Variants in RNF128 observed in about 807,000 individuals in gnomAD.
The protein encoded by RNF128 is E3 ubiquitin-protein ligase RNF128.
In RNF128, 13 loss-of-function variants were observed where a neutral mutation model predicts 26.2. The observed-to-expected ratio is 0.50, with a 90% CI of 0.32 to 0.79. The LOEUF (loss-of-function observed/expected upper bound fraction) is 0.79, where lower values mean the gene tolerates loss of function less well. RNF128 is among the 30% of genes least tolerant of loss of function. The pLI, the probability that RNF128 is intolerant of heterozygous loss-of-function variation, is 0.03. For synonymous variants in RNF128, 149 were observed against 142.5 expected (o/e 1.05, Z -0.32); for missense variants, 315 against 349.7 (o/e 0.90, Z 0.79).
intron 3 of RNF128, among the ~76,000 whole-genome samples, chrX:106,785,458 G>A (rs1930639797): frequency 9.0e-6 from 1 of 111,532 alleles, no homozygotes; most frequent in East Asian, 2.8e-4. Context: ...ATAAGAGGGA[G>A]AGAGAGGGAG....
intron 1 of RNF128, among the ~76,000 whole-genome samples, chrX:106,756,066 A>G (rs1930003565): frequency 9.1e-6 from 1 of 110,419 alleles, no homozygotes; most frequent in African/African-American, 3.3e-5. Flanking sequence ...ACTACAAACC[A>G]CTGCTCAAAG....
At chrX:106,694,225 T>C (rs1400452985) in exon 1 of RNF128, 2 of 1,208,522 alleles carry the variant, frequency 1.7e-6, no homozygotes, top group African/African-American at 3.5e-5. Flanking sequence ...GAACAATAAC[T>C]ACCAAGCTTG....
intron 1 of RNF128, among the ~76,000 whole-genome samples, chrX:106,748,711 A>C (rs1602377409): frequency 9.0e-6 from 1 of 111,654 alleles, no homozygotes; most frequent in African/African-American, 3.2e-5. Flanking sequence ...GTGGGAGCTA[A>C]AAAAGTGAAT....
intron 1 of RNF128, among the ~76,000 whole-genome samples, chrX:106,732,263 A>G: frequency 8.9e-6 from 1 of 111,879 alleles, no homozygotes; most frequent in East Asian, 2.8e-4. Flanking sequence ...CCCAAAACAA[A>G]GTATAGTAAT....
At chrX:106,729,731 A>G (rs1336907322) in intron 1 of RNF128, among the ~76,000 whole-genome samples, 1 of 112,181 alleles carries the variant, frequency 8.9e-6, no homozygotes, top group Non-Finnish European at 1.9e-5. Flanking sequence ...GAGGTAAGGA[A>G]TCACATTTCT....
intron 2 of RNF128, among the ~76,000 whole-genome samples, chrX:106,774,634 G>T (rs2147696072): frequency 8.9e-6 from 1 of 111,901 alleles, no homozygotes; most frequent in East Asian, 2.8e-4. Context: ...TATATATCCA[G>T]AATTTGATTA....
In RNF128 at chrX:106,731,668, T is replaced by C. The variant is rs769726998; in HGVS notation, c.484+4271T>C. 6.3e-5 allele frequency among the ~76,000 whole-genome samples: 7 copies of C among 111,359 alleles called. No homozygotes were observed. The East Asian group carries it at 2.0e-3, about 32-fold the overall frequency. On this transcript the variant is annotated intron_variant, in intron 1 of 6. Coordinates refer to ENST00000255499, the MANE Select transcript of RNF128 (RefSeq NM_194463.2). ...AGTGTCTTCCTTCCTTGCCTCTCTTTTGTTTCATTACTATTTTATTAATTC... is the reference window on the plus strand; with the variant it reads ...AGTGTCTTCCTTCCTTGCCTCTCTTCTGTTTCATTACTATTTTATTAATTC...
chrX:106,775,062 T>C (rs1280205935), intron 2 of RNF128, among the ~76,000 whole-genome samples: 1 of 112,206 alleles, frequency 8.9e-6, no homozygotes, highest in Non-Finnish European at 1.9e-5. Flanking sequence ...CTTCTATCCT[T>C]CTCCTTAGAG....
intron 6 of RNF128, among the ~76,000 whole-genome samples, chrX:106,792,790 A>C (rs1301359793): frequency 9.0e-6 from 1 of 111,488 alleles, no homozygotes; most frequent in African/African-American, 3.3e-5. Flanking sequence ...GTTGTATTAA[A>C]ACTTTTAAAG....
At chrX:106,758,675 T>C (rs139133728) in intron 1 of RNF128, among the ~76,000 whole-genome samples, 33 of 111,528 alleles carry the variant, frequency 3.0e-4, no homozygotes, top group Middle Eastern at 4.6e-3. Flanking sequence ...AGAACATACA[T>C]TGGGGAAAAG....
intron 1 of RNF128, among the ~76,000 whole-genome samples, chrX:106,747,017 T>G (rs1345821688): frequency 8.9e-6 from 1 of 111,794 alleles, no homozygotes; most frequent in Non-Finnish European, 1.9e-5. Context: ...TTAACTACTC[T>G]TGATGACTAA....
At chrX:106,737,082 A>T (rs34619446) in intron 1 of RNF128, among the ~76,000 whole-genome samples, 2,783 of 111,423 alleles carry the variant, frequency 0.025, 35 homozygotes, top group Non-Finnish European at 0.039. Context: ...ACTTCACCTT[A>T]AAGACTACAT....
Position 106,785,126 on chromosome X carries a change from A to G in RNF128, c.794A>G (p.Gln265Arg). 2 of 1,178,605 alleles carry G rather than the reference A, an allele frequency of 1.7e-6. No homozygotes were observed. Among genetic ancestry groups the G allele is most frequent in the Non-Finnish European group, 2.3e-6 (2 of 878,524 alleles). ...IGRLQLRTLK[Q>R]GDKEIGPDGD... Reference sequence around the variant, plus strand: ...AGGCTTCAACTACGCACACTGAAACAAGGAGACAAGGTACATTCATGACTT... The same window carrying G: ...AGGCTTCAACTACGCACACTGAAACGAGGAGACAAGGTACATTCATGACTT... The change falls in exon 3 of 7, where the codon CAA becomes CGA. Residue 265 changes from glutamine (Q) to arginine (R), a missense_variant. Gln to Arg is a conservative substitution (Grantham distance 43, BLOSUM62 1). Transcript: ENST00000255499.
At chrX:106,785,614 G>A (rs1392636526) in intron 3 of RNF128, among the ~76,000 whole-genome samples, 1 of 111,736 alleles carries the variant, frequency 8.9e-6, no homozygotes, top group African/African-American at 3.3e-5. Flanking sequence ...GCCTCCAGAA[G>A]GAGTGCAGTA....
intron 1 of RNF128, among the ~76,000 whole-genome samples, chrX:106,702,802 G>C (rs910702931): frequency 8.9e-6 from 1 of 111,741 alleles, no homozygotes; most frequent in Non-Finnish European, 1.9e-5. Context: ...ACCTTTGACA[G>C]AACAGTGGAA....
At chrX:106,697,850 T>A (rs1398917947) in intron 1 of RNF128, among the ~76,000 whole-genome samples, 1 of 110,111 alleles carries the variant, frequency 9.1e-6, no homozygotes, top group Non-Finnish European at 1.9e-5. Flanking sequence ...AGTATCAGTT[T>A]CCTAATTTGC....
chrX:106,777,049 A>C (rs377608400), intron 2 of RNF128, among the ~76,000 whole-genome samples: 2 of 111,955 alleles, frequency 1.8e-5, no homozygotes, highest in Non-Finnish European at 3.8e-5. Flanking sequence ...TATTTCTGTG[A>C]CATTTCCGGA....
At chrX:106,765,541 G>GA (rs1044683139) in intron 1 of RNF128, among the ~76,000 whole-genome samples, 10 of 110,989 alleles carry the variant, frequency 9.0e-5, no homozygotes, top group African/African-American at 3.3e-4. Context: ...CAAATAAATA[G>GA]AAAAAAGGGG....
intron 4 of RNF128, among the ~76,000 whole-genome samples, chrX:106,788,633 A>T (rs1235080599): frequency 1.3e-4 from 8 of 63,532 alleles, no homozygotes; most frequent in African/African-American, 2.0e-4. Flanking sequence ...TATACTATAT[A>T]ATATAGTATA....
Sources: gnomAD v4.1 joint callset for allele counts (sites outside exome capture counted in the v4.1 genomes callset) on GRCh38, gnomAD v4.1.1 for gene constraint, MANE v1.5 for transcripts, NCBI Gene and HGNC (gene_info 2026-07-23, HGNC 2026-07-21) for gene names.